AMPH: variants seen among roughly 807,000 people sequenced by gnomAD.
The protein encoded by AMPH is amphiphysin.
Under a neutral mutation model 99.1 loss-of-function variants are expected in AMPH, and 49 were observed. That is an observed-to-expected ratio of 0.49 (90% CI 0.39 to 0.63). The LOEUF (loss-of-function observed/expected upper bound fraction) is 0.63. AMPH is among the 20% of genes least tolerant of loss of function. The pLI is 0.00. For missense variants in AMPH, 759 were observed against 863.4 expected (o/e 0.88, Z 1.52); for synonymous variants, 314 against 317.3 (o/e 0.99, Z 0.11).
chr7:38,598,513 A>G (rs940626936), intron 1 of AMPH, among the ~76,000 whole-genome samples: 1 of 152,162 alleles, frequency 6.6e-6, no homozygotes, highest in African/African-American at 2.4e-5. Flanking sequence ...CATGTTGGCC[A>G]GGCTGGTCTC....
chr7:38,613,047 CT>C (rs200737549), intron 1 of AMPH, among the ~76,000 whole-genome samples: 14 of 151,972 alleles, frequency 9.2e-5, no homozygotes, highest in African/African-American at 3.4e-4. Context: ...TAACTGCAAC[CT>C]TAAAAAAAAA....
chr7:38,558,727 C>T (rs372282875), intron 1 of AMPH, among the ~76,000 whole-genome samples: 4 of 152,146 alleles, frequency 2.6e-5, no homozygotes, highest in African/African-American at 7.2e-5. Context: ...CTTAGAAAGA[C>T]GCTGATGCTG....
At chr7:38,603,148 TC>T in intron 1 of AMPH, among the ~76,000 whole-genome samples, 1 of 151,866 alleles carries the variant, frequency 6.6e-6, no homozygotes, top group Non-Finnish European at 1.5e-5. Context: ...AAACCCCATC[TC>T]TGCTAAAAAT....
intron 17 of AMPH, among the ~76,000 whole-genome samples, chr7:38,416,102 AAT>A (rs5883648): frequency 0.51 from 51,010 of 100,414 alleles, 13,565 homozygotes; most frequent in East Asian, 0.81. Context: ...CAAACATATG[AAT>A]ATATATATAT....
chr7:38,393,085 T>C (rs1326983570), intron 18 of AMPH, among the ~76,000 whole-genome samples: 1 of 152,154 alleles, frequency 6.6e-6, no homozygotes, highest in African/African-American at 2.4e-5. Context: ...GGAGAGATAA[T>C]ACCGTCTTTC....
chr7:38,412,957 T>C (rs1209747173), intron 17 of AMPH, among the ~76,000 whole-genome samples: 1 of 152,098 alleles, frequency 6.6e-6, no homozygotes, highest in East Asian at 1.9e-4. Context: ...TTTGTGTTGA[T>C]GGAGATCTAA....
intron 17 of AMPH, among the ~76,000 whole-genome samples, chr7:38,404,013 G>C (rs1180974136): frequency 1.3e-5 from 2 of 152,192 alleles, no homozygotes; most frequent in Non-Finnish European, 2.9e-5. Context: ...TCACAGAGCT[G>C]TCTGCTCTGG....
intron 1 of AMPH, among the ~76,000 whole-genome samples, chr7:38,603,437 G>A (rs1584294466): frequency 6.6e-6 from 1 of 152,032 alleles, no homozygotes; most frequent in South Asian, 2.1e-4. Flanking sequence ...CAAAGAAAGA[G>A]GCTACATGAA....
intron 1 of AMPH, among the ~76,000 whole-genome samples, chr7:38,611,517 A>T (rs1343880276): frequency 1.3e-5 from 2 of 152,230 alleles, no homozygotes; most frequent in Non-Finnish European, 1.5e-5. Context: ...TTATCTGGAC[A>T]GTGAAATCAT....
At chr7:38,549,023 T>G (rs1465018912) in intron 1 of AMPH, among the ~76,000 whole-genome samples, 1 of 152,246 alleles carries the variant, frequency 6.6e-6, no homozygotes, top group East Asian at 1.9e-4. Context: ...CTGTGCAAGC[T>G]TCCAGCTTGC....
intron 1 of AMPH, among the ~76,000 whole-genome samples, chr7:38,601,602 G>A (rs974011344): frequency 1.5e-4 from 23 of 152,256 alleles, no homozygotes; most frequent in Admixed American, 3.3e-4. Flanking sequence ...CTATAGCACA[G>A]TTCTGCTCAG....
At chr7:38,617,366 G>T (rs1243325362) in intron 1 of AMPH, among the ~76,000 whole-genome samples, 1 of 152,234 alleles carries the variant, frequency 6.6e-6, no homozygotes, top group Non-Finnish European at 1.5e-5. Flanking sequence ...AAAAGTCATA[G>T]GCTGTGGTGA....
At chr7:38,417,632 A>G (rs955497409) in intron 17 of AMPH, among the ~76,000 whole-genome samples, 193 bp downstream of exon 17, 19 of 152,230 alleles carry the variant, frequency 1.2e-4, no homozygotes, top group East Asian at 7.7e-4. Flanking sequence ...TCATAAGATC[A>G]GTTATCTGGA....
At chr7:38,582,504 T>C (rs1385805139) in intron 1 of AMPH, among the ~76,000 whole-genome samples, 2 of 152,246 alleles carry the variant, frequency 1.3e-5, no homozygotes, top group South Asian at 2.1e-4. Flanking sequence ...CATAAGTTTA[T>C]GGCAGAGTTG....
At chr7:38,503,495 C>CGGGGG (rs3832480) in intron 3 of AMPH, among the ~76,000 whole-genome samples, 155 bp downstream of exon 3, 8 of 86,168 alleles carry the variant, frequency 9.3e-5, no homozygotes, top group Admixed American at 2.9e-4. Flanking sequence ...GAATTTGGGG[C>CGGGGG]GGGGGGGTGG....
chr7:38,429,494 T>A (rs1785919441), intron 14 of AMPH: 2 of 1,335,670 alleles, frequency 1.5e-6, no homozygotes, highest in Non-Finnish European at 2.0e-6. Flanking sequence ...CATTTTGAGA[T>A]CTTTGAATTT....
chr7:38,533,284 T>TTA (rs768026505), intron 2 of AMPH, among the ~76,000 whole-genome samples: 1 of 152,158 alleles, frequency 6.6e-6, no homozygotes, highest in Non-Finnish European at 1.5e-5. Flanking sequence ...AAGCCAAAGC[T>TTA]CTCTGTAATA....
At chr7:38,429,319 C>T (rs751148891) in intron 14 of AMPH, 2 of 1,288,578 alleles carry the variant, frequency 1.6e-6, no homozygotes, top group Non-Finnish European at 2.0e-6. Context: ...TCACTCTCTT[C>T]AGCTACAGTG....
chr7:38,561,798 A>G (rs761758496), intron 1 of AMPH, among the ~76,000 whole-genome samples: 1 of 152,110 alleles, frequency 6.6e-6, no homozygotes, highest in Non-Finnish European at 1.5e-5. Flanking sequence ...TAAGGAGAGG[A>G]ACAGACACCA....
Sources: allele counts gnomAD v4.1 joint callset (sites outside exome capture counted in the v4.1 genomes callset), GRCh38; gene constraint gnomAD v4.1.1; transcripts MANE v1.5; gene names NCBI Gene and HGNC (gene_info 2026-07-23, HGNC 2026-07-21).